The following ATXN7L1 variants were observed in gnomAD, a reference collection of about 807,000 sequenced individuals.
The protein encoded by ATXN7L1 is ataxin 7 like 1, also known as ataxin-7-like protein 1.
ATXN7L1 carries 15 observed loss-of-function variants against 70.8 expected under a neutral mutation model. That is an observed-to-expected ratio of 0.21 (90% CI 0.14 to 0.33). The LOEUF (loss-of-function observed/expected upper bound fraction) is 0.33. ATXN7L1 is among the 10% of genes least tolerant of loss of function. ATXN7L1 has a pLI of 1.00. For missense variants in ATXN7L1, 975 were observed against 1,097.1 expected (o/e 0.89, Z 1.57); for synonymous variants, 440 against 445.1 (o/e 0.99, Z 0.14).
chr7:105,737,807 G>A (rs905563395), intron 3 of ATXN7L1, among the ~76,000 whole-genome samples: 4 of 152,230 alleles, frequency 2.6e-5, no homozygotes, highest in African/African-American at 9.6e-5. Context: ...CTCAAAGCTC[G>A]TAAGCGGGGA....
At chr7:105,641,131 A>AAGACAGAT (rs973952279) in intron 5 of ATXN7L1, among the ~76,000 whole-genome samples, 5 of 149,816 alleles carry the variant, frequency 3.3e-5, no homozygotes, top group African/African-American at 1.2e-4. Flanking sequence ...CTCTATACCC[A>AAGACAGAT]AGACAGATTC....
chr7:105,655,607 G>A (rs2116004951), intron 4 of ATXN7L1, among the ~76,000 whole-genome samples: 1 of 152,292 alleles, frequency 6.6e-6, no homozygotes, highest in South Asian at 2.1e-4. Flanking sequence ...ACGACTCTCT[G>A]TGTCTTCAGG....
chr7:105,802,368 C>T (rs1269247949), intron 2 of ATXN7L1, among the ~76,000 whole-genome samples: 1 of 152,132 alleles, frequency 6.6e-6, no homozygotes, highest in African/African-American at 2.4e-5. Flanking sequence ...AGCCCCCAGT[C>T]CCCAGCCTGC....
At chr7:105,659,679 C>T (rs964415769) in intron 4 of ATXN7L1, among the ~76,000 whole-genome samples, 5 of 152,180 alleles carry the variant, frequency 3.3e-5, no homozygotes, top group African/African-American at 9.6e-5. Flanking sequence ...CCTCAGACTC[C>T]TCTTTCCCTG....
intron 3 of ATXN7L1, among the ~76,000 whole-genome samples, chr7:105,762,143 C>G (rs1300615013): frequency 6.6e-6 from 1 of 152,240 alleles, no homozygotes; most frequent in African/African-American, 2.4e-5. Flanking sequence ...ACTGGCAGGA[C>G]TGAGCTATCA....
At chr7:105,626,138 A>G (rs1486248189) in intron 7 of ATXN7L1, among the ~76,000 whole-genome samples, 1 of 152,210 alleles carries the variant, frequency 6.6e-6, no homozygotes, top group Non-Finnish European at 1.5e-5. Context: ...AAACAACCCA[A>G]CTGTCCATCA....
chr7:105,806,517 G>T (rs1219903416), intron 2 of ATXN7L1, among the ~76,000 whole-genome samples: 1 of 152,162 alleles, frequency 6.6e-6, no homozygotes, highest in Admixed American at 6.5e-5. Flanking sequence ...TACTAAGTGT[G>T]AGAAACTGAT....
chr7:105,824,250 C>T (rs927210069), intron 2 of ATXN7L1, among the ~76,000 whole-genome samples: 3 of 152,136 alleles, frequency 2.0e-5, no homozygotes, highest in Admixed American at 2.0e-4. Context: ...TTACAATGGG[C>T]CACCAGTAAA....
chr7:105,715,321 A>C (rs1451857192), intron 3 of ATXN7L1, among the ~76,000 whole-genome samples: 1 of 152,230 alleles, frequency 6.6e-6, no homozygotes, highest in African/African-American at 2.4e-5. Flanking sequence ...CCCAGAGTTC[A>C]CGTGGGCATC....
Position 105,751,604 on chromosome 7 carries a change from C to T in ATXN7L1, c.355+37000G>A, listed in dbSNP as rs145385343. On this transcript the variant is annotated intron_variant, in intron 3 of 11. Transcript: ENST00000419735. ...TAAGCTGTGATCTTGCCATTGCACA[C>T]CAGCCTGGGCAACAGAGTGAGATCC... Among the ~76,000 whole-genome samples the T allele has an allele frequency of 6.9e-4, 105 of 152,176 alleles. 1 individual carries two copies. The Middle Eastern group carries it at 0.02, about 30-fold the overall frequency.
At position 105,614,056 on chromosome 7, in the gene ATXN7L1, C is replaced by T. The variant is rs182784708; in HGVS notation, c.2278G>A (p.Ala760Thr). 1 of 1,551,822 alleles carries T rather than the reference C, an allele frequency of 6.4e-7. No homozygotes were observed. The highest frequency in any genetic ancestry group is 1.2e-5 in the South Asian group (1 of 84,066). The change falls in exon 10 of 12, where the codon GCC (alanine) becomes ACC (threonine). Residue 760 changes from alanine (A) to threonine (T), a missense_variant. By Grantham distance (58) the Ala-to-Thr change is moderately conservative (BLOSUM62 0). Coordinates refer to ENST00000419735, the MANE Select transcript of ATXN7L1 (RefSeq NM_020725.2). The surrounding 1 kb of genome is among the most constrained non-coding windows in gnomAD (Gnocchi z 4.3). ...AGAGAAGACACAGCATTGTGTGAGG[C>T]CAGAGAGAGGTCCCCTGCGTGGAGC... The part of the protein sequence containing the change: ...LALHAGDLSL[A>T]SHNAVSSLPL...
chr7:105,620,247 G>A lies in ATXN7L1; in HGVS notation c.1470C>T (p.Phe490=). 6.4e-7 allele frequency: 1 copy of A among 1,551,384 alleles called. No homozygotes were observed. The highest frequency in any genetic ancestry group is 8.7e-7 in the Non-Finnish European group (1 of 1,146,846). Residue 490 remains phenylalanine, a synonymous_variant, in exon 9 of 12, where the codon TTC becomes TTT. Transcript: ENST00000419735. ...GTTTTTCTACCATGGAGTTTAGTGC[G>A]AATCGAAAACGATCCCATCTTCTAT... is the stretch of plus-strand genomic sequence containing the variant. The part of the protein sequence containing the change: ...VFDRRWDRFR[F]ALNSMVEKHL...
chr7:105,764,792 AT>A (rs201746151), intron 3 of ATXN7L1, among the ~76,000 whole-genome samples: 2 of 151,676 alleles, frequency 1.3e-5, no homozygotes, highest in East Asian at 1.9e-4. Context: ...GCACATCAAA[AT>A]TTTTTTTTCC....
Position 105,614,756 on chromosome 7 carries a change from G to C in ATXN7L1, c.1578C>G (p.Pro526=). 3.2e-6 allele frequency: 5 copies of C among 1,551,742 alleles called. No homozygotes were observed. Among genetic ancestry groups the C allele is most frequent in the Admixed American group, 2.0e-5 (1 of 51,002 alleles). The part of the protein sequence containing the change: ...LPSPAAHITT[P]VPASVLQPFS... ...AAGGCTGCAAAACGGATGCTGGAAC[G>C]GGGGTGGTGATGTGGGCTGCTGGCG... Residue 526 remains proline (P), a synonymous_variant, in exon 10 of 12, where the codon CCC becomes CCG. Transcript: ENST00000419735. This position sits in a 1 kb window ranked among gnomAD's most constrained non-coding sequence, Gnocchi z 4.3.
At chr7:105,608,503 G>A (rs1792879267) in intron 11 of ATXN7L1, among the ~76,000 whole-genome samples, 1 of 152,144 alleles carries the variant, frequency 6.6e-6, no homozygotes, top group Non-Finnish European at 1.5e-5. Context: ...GCTGATTGCT[G>A]GCATTTTGGG....
intron 4 of ATXN7L1, among the ~76,000 whole-genome samples, chr7:105,663,403 T>C (rs917977120): frequency 1.5e-4 from 23 of 152,386 alleles, no homozygotes; most frequent in African/African-American, 5.5e-4. Context: ...TACTAAGTTA[T>C]CATAATTTCC....
At position 105,758,377 on chromosome 7, in the gene ATXN7L1, A is replaced by G. The variant is rs570085397; in HGVS notation, c.355+30227T>C. ...TTATACCCATTTTCCACACATGAGA[A>G]GATTTACACTCAGTCAGAGCAGGAG... On this transcript the variant is annotated intron_variant, in intron 3 of 11. Transcript: ENST00000419735. Among the ~76,000 whole-genome samples the G allele has an allele frequency of 2.0e-5, 3 of 152,360 alleles. No homozygotes were observed. In the East Asian group the frequency reaches 5.8e-4, roughly 29 times the overall value.
Position 105,870,667 on chromosome 7 carries a change from T to A in ATXN7L1, c.250+5145A>T, listed in dbSNP as rs544924061. Among the ~76,000 whole-genome samples the A allele has an allele frequency of 1.3e-4, 20 of 152,338 alleles. No individual in the cohort carries two copies. In the East Asian group the frequency reaches 3.7e-3, roughly 28 times the overall value. On this transcript the variant is annotated intron_variant, in intron 2 of 11. Coordinates refer to ENST00000419735, the MANE Select transcript of ATXN7L1 (RefSeq NM_020725.2). ...AAATTCAGGTGAGGCAAGGGGAACA[T>A]CTTTCTAAATCACTGAGAGCTTTTC... is the stretch of plus-strand genomic sequence containing the variant.
chr7:105,713,968 G>T (rs1304093876), intron 3 of ATXN7L1, among the ~76,000 whole-genome samples: 1 of 152,200 alleles, frequency 6.6e-6, no homozygotes, highest in Admixed American at 6.5e-5. Flanking sequence ...TGACTGCAAG[G>T]CCAGAGCACT....
Sources: allele counts gnomAD v4.1 joint callset (sites outside exome capture counted in the v4.1 genomes callset), GRCh38; gene constraint gnomAD v4.1.1; non-coding constraint Gnocchi (gnomAD v3.1); transcripts MANE v1.5; gene names NCBI Gene and HGNC (gene_info 2026-07-23, HGNC 2026-07-21).